The following AGFG1 variants were observed in gnomAD, a reference collection of about 807,000 sequenced individuals.
AGFG1 encodes the protein arf-GAP domain and FG repeat-containing protein 1.
AGFG1 carries 10 observed loss-of-function variants against 60.6 expected under a neutral mutation model. That is an observed-to-expected ratio of 0.16 (90% CI 0.10 to 0.28). AGFG1 has a LOEUF of 0.28. AGFG1 is among the 10% of genes least tolerant of loss of function. The pLI is 1.00. For missense variants in AGFG1, 537 were observed against 676.5 expected (o/e 0.79, Z 2.29); for synonymous variants, 247 against 242.9 (o/e 1.02, Z -0.16).
chr2:227,472,872 G>A (rs62189452), intron 1 of AGFG1, among the ~76,000 whole-genome samples: 1 of 151,704 alleles, frequency 6.6e-6, no homozygotes, highest in Non-Finnish European at 1.5e-5. Context: ...GGGTCAGGGA[G>A]GGGGCGACCG....
At chr2:227,529,611 A>G (rs559449769) in intron 5 of AGFG1, among the ~76,000 whole-genome samples, 2 of 152,238 alleles carry the variant, frequency 1.3e-5, no homozygotes, top group South Asian at 4.1e-4. Context: ...TTCTACAGAA[A>G]GACGCATGAA....
At chr2:227,542,146 C>G (rs927452059) in intron 10 of AGFG1, among the ~76,000 whole-genome samples, 1 of 152,094 alleles carries the variant, frequency 6.6e-6, no homozygotes, top group Non-Finnish European at 1.5e-5. Flanking sequence ...ATTGAATACC[C>G]GTTATTTTTT....
At chr2:227,549,048 T>C (rs543434854) in intron 10 of AGFG1, among the ~76,000 whole-genome samples, 3 of 152,320 alleles carry the variant, frequency 2.0e-5, no homozygotes, top group East Asian at 3.9e-4. Flanking sequence ...TGACACTTTT[T>C]TAAGTTAGCA....
chr2:227,541,744 T>C (rs1303133961), intron 10 of AGFG1, among the ~76,000 whole-genome samples: 1 of 152,194 alleles, frequency 6.6e-6, no homozygotes, highest in African/African-American at 2.4e-5. Context: ...AAGTCATTGG[T>C]AGCTTGATGG....
At chr2:227,482,490 A>T (rs1241614112) in intron 1 of AGFG1, among the ~76,000 whole-genome samples, 3 of 152,228 alleles carry the variant, frequency 2.0e-5, no homozygotes, top group African/African-American at 7.2e-5. Flanking sequence ...TTTTAAATGT[A>T]TAATTTTATG....
At chr2:227,536,461 T>C (rs1320358419) in intron 8 of AGFG1, among the ~76,000 whole-genome samples, 164 bp from the exon 9 acceptor site, 6 of 152,192 alleles carry the variant, frequency 3.9e-5, no homozygotes, top group Non-Finnish European at 8.8e-5. Context: ...GCAGTAACAA[T>C]TGTTTATTTT....
At chr2:227,495,831 A>C (rs1690955850) in intron 2 of AGFG1, among the ~76,000 whole-genome samples, 1 of 152,102 alleles carries the variant, frequency 6.6e-6, no homozygotes, top group Non-Finnish European at 1.5e-5. Context: ...GGCCAAGTGC[A>C]GTGGCTCATG....
At chr2:227,482,426 T>C (rs1318880999) in intron 1 of AGFG1, among the ~76,000 whole-genome samples, 4 of 152,226 alleles carry the variant, frequency 2.6e-5, no homozygotes, top group Admixed American at 6.5e-5. Flanking sequence ...TTGGCATCAA[T>C]AGTTTGTAGA....
At chr2:227,497,924 C>CA (rs1217602157) in intron 2 of AGFG1, among the ~76,000 whole-genome samples, 3 of 150,992 alleles carry the variant, frequency 2.0e-5, no homozygotes, top group Admixed American at 6.6e-5. Flanking sequence ...TGCTAGGACT[C>CA]AAAAAAATCC....
chr2:227,547,359 A>T (rs1199765308), intron 10 of AGFG1, among the ~76,000 whole-genome samples: 1 of 152,170 alleles, frequency 6.6e-6, no homozygotes, highest in Non-Finnish European at 1.5e-5. Context: ...CTCTCAATTT[A>T]CTCTTAATAT....
chr2:227,553,613 G>A (rs1170523828), intron 11 of AGFG1, 91 bp from the exon 12 acceptor site: 3 of 1,038,812 alleles, frequency 2.9e-6, no homozygotes, highest in Non-Finnish European at 4.4e-6. Context: ...TGCTCTGGTA[G>A]GAATGTCTCT....
chr2:227,556,853 G>A lies in AGFG1; in HGVS notation c.*2358G>A, dbSNP rs1575124536. On this transcript the variant is annotated 3_prime_UTR_variant, in exon 13 of 13. Transcript: ENST00000310078. ...TGGAGGTGAGGTGGGAACATCACTT[G>A]AGCCCAGGAGTTGGAGGCTGCAGTG... 1 of 152,118 alleles carries A rather than the reference G, an allele frequency of 6.6e-6. No homozygotes were observed. Among genetic ancestry groups the A allele is most frequent in the Non-Finnish European group, 1.5e-5 (1 of 68,060 alleles). The allele number at this position is 152,118 out of a possible 1,614,324, so 9.4% of individuals were successfully genotyped here.
intron 1 of AGFG1, 80 bp downstream of exon 1, chr2:227,472,668 G>C: frequency 6.9e-7 from 1 of 1,447,042 alleles, no homozygotes; most frequent in Admixed American, 2.4e-5. Flanking sequence ...GACCCTTCCG[G>C]GGCTGGGAAA....
chr2:227,502,870 A>ACACT (rs1559176058), intron 2 of AGFG1, among the ~76,000 whole-genome samples: 5 of 151,952 alleles, frequency 3.3e-5, no homozygotes, highest in African/African-American at 1.2e-4. Flanking sequence ...ACATGAATAT[A>ACACT]TACACTTCTA....
chr2:227,517,976 C>T (rs1481260515), intron 2 of AGFG1, among the ~76,000 whole-genome samples: 1 of 152,118 alleles, frequency 6.6e-6, no homozygotes, highest in African/African-American at 2.4e-5. Context: ...TTGTGCAACC[C>T]TTTGTAATGA....
chr2:227,504,532 C>T (rs964611221), intron 2 of AGFG1, among the ~76,000 whole-genome samples: 44 of 152,096 alleles, frequency 2.9e-4, no homozygotes, highest in African/African-American at 9.4e-4. Flanking sequence ...TGTGTTTAAG[C>T]GGACATGCAC....
intron 5 of AGFG1, 64 bp downstream of exon 5, chr2:227,524,979 CT>C: frequency 6.4e-7 from 1 of 1,563,916 alleles, no homozygotes. Flanking sequence ...AACATCAATT[CT>C]TTATCACACT....
rs138837356 is a variant in AGFG1 at position 227,485,596 on chromosome 2, CT to C, written c.168-5950del. On this transcript the variant is annotated intron_variant, in intron 1 of 12. Transcript: ENST00000310078. Reference sequence around the variant, plus strand: ...TTTTGATGAGCTGTGCTTTTTATATCTGTAGATGCATGACTTTTATTGGATC... The same window carrying C: ...TTTTGATGAGCTGTGCTTTTTATATCGTAGATGCATGACTTTTATTGGATC... Among the ~76,000 whole-genome samples the C allele has an allele frequency of 3.6e-3, 548 of 152,150 alleles. 1 individual carries two copies. The highest frequency in any genetic ancestry group is 0.012 in the African/African-American group (517 of 41,518).
intron 6 of AGFG1, chr2:227,532,246 T>C: frequency 6.8e-7 from 1 of 1,461,492 alleles, no homozygotes; most frequent in Non-Finnish European, 9.2e-7. Flanking sequence ...TTATACTAAT[T>C]TGTATATTTT....
Sources: allele counts gnomAD v4.1 joint callset (sites outside exome capture counted in the v4.1 genomes callset), GRCh38; gene constraint gnomAD v4.1.1; transcripts MANE v1.5; gene names NCBI Gene and HGNC (gene_info 2026-07-23, HGNC 2026-07-21).